Variants in SGCZ observed in about 807,000 individuals in gnomAD.
The protein encoded by SGCZ is sarcoglycan zeta.
In SGCZ, 40 loss-of-function variants were observed where a neutral mutation model predicts 41.3. The observed-to-expected ratio is 0.97, with a 90% CI of 0.75 to 1.26. The LOEUF (loss-of-function observed/expected upper bound fraction) is 1.26. SGCZ is among the 50% of genes most tolerant of loss of function. The probability of loss-of-function intolerance (pLI) is 0.00; values close to 1 mark genes in which losing one functional copy is unlikely to be tolerated. For synonymous variants in SGCZ, 206 were observed against 137.5 expected, an observed-to-expected ratio of 1.50 and a Z score of -3.49; for missense variants, 552 against 369.8, an observed-to-expected ratio of 1.49 and a Z score of -4.04.
At chr8:14,266,961 A>C (rs1799892170) in intron 3 of SGCZ, among the ~76,000 whole-genome samples, 1 of 152,130 alleles carries the variant, frequency 6.6e-6, no homozygotes, top group Non-Finnish European at 1.5e-5. Flanking sequence ...GACTTCTGTG[A>C]AGGAACTAGG....
chr8:15,210,171 A>G (rs1483051755), intron 1 of SGCZ, among the ~76,000 whole-genome samples: 1 of 152,214 alleles, frequency 6.6e-6, no homozygotes. Context: ...AGAAAGAATT[A>G]GAATCCTACC....
In SGCZ at chr8:14,703,405, T is replaced by C. The variant is rs150267368; in HGVS notation, c.40-148479A>G. On this transcript the variant is annotated intron_variant, in intron 1 of 7. Coordinates refer to ENST00000382080, the MANE Select transcript of SGCZ (RefSeq NM_139167.4). ...TATTTGCACGACTTAGTCTTTTTAT[T>C]AGAATTCCTACTCATGTGTCAGACC... is the stretch of plus-strand genomic sequence containing the variant. 1.6e-3 allele frequency among the ~76,000 whole-genome samples: 238 copies of C among 152,058 alleles called. 3 individuals are homozygous for C. The highest frequency in any genetic ancestry group is 5.6e-3 in the African/African-American group (232 of 41,534).
intron 5 of SGCZ, among the ~76,000 whole-genome samples, chr8:14,108,990 T>C (rs61594930): frequency 0.21 from 31,637 of 151,966 alleles, 4,260 homozygotes; most frequent in East Asian, 0.65. Flanking sequence ...TGGAGGTGAG[T>C]TCCAGTGTAG....
Position 14,769,793 on chromosome 8 carries a change from T to TAAAAAAAAAAAAAAAA in SGCZ, c.40-214883_40-214868dup, listed in dbSNP as rs565416806. 8.2e-4 allele frequency among the ~76,000 whole-genome samples: 43 copies of TAAAAAAAAAAAAAAAA among 52,140 alleles called. 1 individual carries two copies. Among genetic ancestry groups the TAAAAAAAAAAAAAAAA allele is most frequent in the African/African-American group, 1.1e-3 (9 of 8,108 alleles). 34.2% of individuals were successfully genotyped at this position (52,140 alleles called of 152,430 possible). A position where few individuals can be genotyped will look rare whatever the true frequency, so the allele number is the denominator to read the frequency against. The stretch of plus-strand genomic sequence containing the variant: ...CTGGGCGACAAGAGCAAAACACCAT[T>TAAAAAAAAAAAAAAAA]AAAAAAAAAAAAAAAAAAAAAACCC... On this transcript the variant is annotated intron_variant, in intron 1 of 7. Coordinates refer to ENST00000382080, the MANE Select transcript of SGCZ (RefSeq NM_139167.4).
intron 2 of SGCZ, among the ~76,000 whole-genome samples, chr8:14,368,755 G>T (rs910120522): frequency 1.3e-5 from 2 of 151,902 alleles, no homozygotes; most frequent in Non-Finnish European, 2.9e-5. Flanking sequence ...GCACTGTGTT[G>T]GCTGCTACAA....
At chr8:15,022,728 A>G (rs1017011842) in intron 1 of SGCZ, among the ~76,000 whole-genome samples, 10 of 152,196 alleles carry the variant, frequency 6.6e-5, no homozygotes, top group Admixed American at 6.5e-4. Context: ...TAGAGACAAA[A>G]CATGGCAATA....
intron 1 of SGCZ, among the ~76,000 whole-genome samples, chr8:15,157,235 C>T (rs183527095): frequency 2.6e-5 from 4 of 151,676 alleles, no homozygotes; most frequent in Admixed American, 6.6e-5. Flanking sequence ...ATATTTTTCT[C>T]ATAAAAGTAG....
chr8:14,212,400 A>G (rs1036199964), intron 4 of SGCZ, among the ~76,000 whole-genome samples: 2 of 151,738 alleles, frequency 1.3e-5, no homozygotes, highest in Admixed American at 6.6e-5. Flanking sequence ...GAAGGCATCA[A>G]GCAGGAGCTT....
chr8:14,892,120 G>A (rs1805039273), intron 1 of SGCZ, among the ~76,000 whole-genome samples: 3 of 152,072 alleles, frequency 2.0e-5, no homozygotes. Context: ...GTATGTAGTT[G>A]TACATCATTT....
At chr8:15,141,429 T>TA (rs1218223546) in intron 1 of SGCZ, among the ~76,000 whole-genome samples, 10 of 152,384 alleles carry the variant, frequency 6.6e-5, no homozygotes, top group African/African-American at 2.4e-4. Flanking sequence ...ACAGAATATC[T>TA]AATTTATGTT....
intron 2 of SGCZ, among the ~76,000 whole-genome samples, chr8:14,548,452 T>C (rs1344121028): frequency 6.6e-6 from 1 of 152,198 alleles, no homozygotes; most frequent in African/African-American, 2.4e-5. Flanking sequence ...TTGTTGCATA[T>C]AAAAAACATC....
chr8:14,631,204 G>C (rs1393741430), intron 1 of SGCZ, among the ~76,000 whole-genome samples: 1 of 151,928 alleles, frequency 6.6e-6, no homozygotes, highest in Non-Finnish European at 1.5e-5. Context: ...TCAGGGGTGA[G>C]GAGTCTGAAC....
At chr8:14,744,860 C>T (rs943021073) in intron 1 of SGCZ, among the ~76,000 whole-genome samples, 2 of 152,116 alleles carry the variant, frequency 1.3e-5, no homozygotes, top group Non-Finnish European at 2.9e-5. Context: ...GGACTATCGT[C>T]TTCTCTTCTC....
intron 1 of SGCZ, among the ~76,000 whole-genome samples, chr8:14,608,755 C>T (rs958120746): frequency 1.3e-5 from 2 of 151,938 alleles, no homozygotes; most frequent in Non-Finnish European, 2.9e-5. Context: ...CCAGGCCCCA[C>T]GTCCAACACT....
At chr8:14,292,156 G>C (rs1435243089) in intron 3 of SGCZ, among the ~76,000 whole-genome samples, 1 of 151,952 alleles carries the variant, frequency 6.6e-6, no homozygotes, top group Non-Finnish European at 1.5e-5. Flanking sequence ...AACTTATTAA[G>C]TACGAACTAG....
intron 4 of SGCZ, among the ~76,000 whole-genome samples, chr8:14,166,389 T>G (rs1804211418): frequency 6.6e-6 from 1 of 152,186 alleles, no homozygotes; most frequent in Non-Finnish European, 1.5e-5. Flanking sequence ...AATCTTATTT[T>G]GTGCCATAGA....
At chr8:14,857,485 G>C (rs1010558415) in intron 1 of SGCZ, among the ~76,000 whole-genome samples, 1 of 152,236 alleles carries the variant, frequency 6.6e-6, no homozygotes, top group South Asian at 2.1e-4. Flanking sequence ...TACAAGACTA[G>C]TATTAAAACT....
chr8:14,792,680 T>C (rs999644454), intron 1 of SGCZ, among the ~76,000 whole-genome samples: 1 of 152,154 alleles, frequency 6.6e-6, no homozygotes, highest in East Asian at 1.9e-4. Context: ...ACTCATCGTT[T>C]AGCATTAGGT....
intron 1 of SGCZ, among the ~76,000 whole-genome samples, chr8:14,880,976 C>T (rs1017582769): frequency 4.0e-5 from 6 of 151,870 alleles, no homozygotes; most frequent in African/African-American, 1.5e-4. Flanking sequence ...AAATATATCA[C>T]AGACAACTTA....
Sources: gnomAD v4.1 joint callset for allele counts (sites outside exome capture counted in the v4.1 genomes callset) on GRCh38, gnomAD v4.1.1 for gene constraint, MANE v1.5 for transcripts, NCBI Gene and HGNC (gene_info 2026-07-23, HGNC 2026-07-21) for gene names.